Variants in LAMA2 observed in about 807,000 individuals in gnomAD.
The protein encoded by LAMA2 is laminin subunit alpha 2.
LAMA2 carries 269 observed loss-of-function variants against 364.8 expected under a neutral mutation model. The observed-to-expected ratio is 0.74, with a 90% CI of 0.67 to 0.82. LAMA2 has a LOEUF of 0.82. LAMA2 is among the 40% of genes least tolerant of loss of function. The pLI, the probability that LAMA2 is intolerant of heterozygous loss-of-function variation, is 0.00. For missense variants in LAMA2, 3,807 were observed against 3,873.2 expected, an observed-to-expected ratio of 0.98 and a Z score of 0.45; for synonymous variants, 1,379 against 1,370.6, an observed-to-expected ratio of 1.01 and a Z score of -0.14.
chr6:129,458,705 G>A (rs1351281689), intron 48 of LAMA2, among the ~76,000 whole-genome samples: 1 of 152,034 alleles, frequency 6.6e-6, no homozygotes, highest in Non-Finnish European at 1.5e-5. Context: ...CATGGTCACA[G>A]CAGTGGGAAA....
intron 45 of LAMA2, among the ~76,000 whole-genome samples, chr6:129,450,237 T>C (rs1336091417): frequency 6.6e-6 from 1 of 152,166 alleles, no homozygotes; most frequent in Non-Finnish European, 1.5e-5. Flanking sequence ...TACATTTATA[T>C]TGAGTCATCT....
intron 1 of LAMA2, among the ~76,000 whole-genome samples, chr6:128,885,074 T>C (rs531001049): frequency 1.3e-5 from 2 of 152,314 alleles, no homozygotes; most frequent in South Asian, 4.1e-4. Context: ...TACCATTCTG[T>C]CAAGATACCA....
At chr6:129,301,276 A>G (rs1283047810) in intron 22 of LAMA2, among the ~76,000 whole-genome samples, 5 of 152,188 alleles carry the variant, frequency 3.3e-5, no homozygotes, top group Non-Finnish European at 1.5e-5. Flanking sequence ...AGTTGAGATC[A>G]TTCTGAAGAG....
intron 17 of LAMA2, among the ~76,000 whole-genome samples, chr6:129,278,143 A>G (rs1788455956): frequency 6.6e-6 from 1 of 152,210 alleles, no homozygotes; most frequent in Non-Finnish European, 1.5e-5. Context: ...CAGGGGTTTC[A>G]GTGAGCCAAG....
chr6:128,894,267 C>G (rs1479816821), intron 1 of LAMA2, among the ~76,000 whole-genome samples: 1 of 152,128 alleles, frequency 6.6e-6, no homozygotes, highest in Non-Finnish European at 1.5e-5. Flanking sequence ...ACTAGTTATG[C>G]AGATCAGCCA....
chr6:129,508,265 T>A (rs1028930183), intron 62 of LAMA2, among the ~76,000 whole-genome samples: 1 of 152,208 alleles, frequency 6.6e-6, no homozygotes, highest in Non-Finnish European at 1.5e-5. Flanking sequence ...AGTGGGTGTA[T>A]ATATTTATGG....
intron 41 of LAMA2, among the ~76,000 whole-genome samples, chr6:129,434,847 T>C (rs895423844): frequency 5.9e-5 from 9 of 152,116 alleles, no homozygotes; most frequent in Non-Finnish European, 2.9e-5. Context: ...AGCTACAAAA[T>C]GTTTAGATGT....
At chr6:128,991,407 A>G (rs1241035769) in intron 1 of LAMA2, among the ~76,000 whole-genome samples, 1 of 152,196 alleles carries the variant, frequency 6.6e-6, no homozygotes, top group African/African-American at 2.4e-5. Flanking sequence ...AAATGGATGA[A>G]AGCGATTCAA....
At chr6:129,513,170 C>T (rs757847607) in intron 63 of LAMA2, among the ~76,000 whole-genome samples, 2 of 152,174 alleles carry the variant, frequency 1.3e-5, no homozygotes, top group Admixed American at 6.5e-5. Context: ...ACTCAGTTCA[C>T]GTTTCCACCC....
intron 1 of LAMA2, among the ~76,000 whole-genome samples, chr6:128,997,952 C>A (rs528057499): frequency 6.6e-6 from 1 of 151,988 alleles, no homozygotes; most frequent in African/African-American, 2.4e-5. Flanking sequence ...AATCATCAAG[C>A]CAGGAAGGAG....
intron 1 of LAMA2, among the ~76,000 whole-genome samples, chr6:128,955,377 A>T (rs1044984061): frequency 1.3e-5 from 2 of 151,946 alleles, no homozygotes; most frequent in Admixed American, 1.3e-4. Context: ...ACAGCTAGGA[A>T]TTGGCAGAAC....
intron 49 of LAMA2, among the ~76,000 whole-genome samples, chr6:129,463,613 T>C (rs1213770938): frequency 1.3e-5 from 2 of 152,032 alleles, no homozygotes; most frequent in Admixed American, 1.3e-4. Context: ...ATCTTAGATA[T>C]TCATTAATTA....
chr6:129,363,163 A>G (rs1451248253), intron 32 of LAMA2, among the ~76,000 whole-genome samples: 1 of 152,078 alleles, frequency 6.6e-6, no homozygotes, highest in African/African-American at 2.4e-5. Flanking sequence ...AACTAGCTGG[A>G]TGTGGTGGCA....
At chr6:129,350,559 A>G (rs1212292737) in intron 31 of LAMA2, among the ~76,000 whole-genome samples, 1 of 152,236 alleles carries the variant, frequency 6.6e-6, no homozygotes, top group African/African-American at 2.4e-5. Context: ...TTTATGCTCC[A>G]GAGCACTCCA....
At position 129,391,536 on chromosome 6, in the gene LAMA2, G is replaced by A. The variant is rs777116636; in HGVS notation, c.5117G>A (p.Arg1706Gln). ...AIKLNETLGT[R>Q]DEAFERNLEG... is the part of the protein sequence containing the mutation. ...AAACTAAATGAAACTCTAGGAACTC[G>A]AGACGAGGCCTTTGAGAGAAATTTG... The change falls in exon 36 of 65, where the codon CGA becomes CAA. Residue 1706 changes from arginine to glutamine, a missense_variant. By Grantham distance (43) the Arg-to-Gln change is conservative. Coordinates refer to ENST00000421865, the MANE Select transcript of LAMA2 (RefSeq NM_000426.4). The A allele has an allele frequency of 1.1e-5, 17 of 1,613,942 alleles. No homozygotes were observed. The East Asian group carries it at 2.0e-4, about 19-fold the overall frequency.
intron 4 of LAMA2, among the ~76,000 whole-genome samples, chr6:129,132,405 A>T (rs993835938): frequency 2.0e-5 from 3 of 152,098 alleles, no homozygotes; most frequent in Non-Finnish European, 4.4e-5. Flanking sequence ...TGACCTCGTG[A>T]TCGGCCCGCC....
At chr6:129,071,386 G>T (rs1244433942) in intron 3 of LAMA2, among the ~76,000 whole-genome samples, 1 of 151,876 alleles carries the variant, frequency 6.6e-6, no homozygotes, top group Non-Finnish European at 1.5e-5. Context: ...TCTCTATCGT[G>T]AAATTGTTAT....
intron 1 of LAMA2, among the ~76,000 whole-genome samples, chr6:128,972,559 T>C (rs969939763): frequency 6.6e-6 from 1 of 152,164 alleles, no homozygotes; most frequent in African/African-American, 2.4e-5. Flanking sequence ...CAGTAGAAGG[T>C]ATTTGGAACT....
chr6:129,401,757 C>T (rs1327080018), intron 38 of LAMA2, among the ~76,000 whole-genome samples: 1 of 152,178 alleles, frequency 6.6e-6, no homozygotes, highest in Non-Finnish European at 1.5e-5. Flanking sequence ...CTAAGAGATC[C>T]TAATGACATG....
Sources: allele counts gnomAD v4.1 joint callset (sites outside exome capture counted in the v4.1 genomes callset), GRCh38; gene constraint gnomAD v4.1.1; transcripts MANE v1.5; gene names NCBI Gene and HGNC (gene_info 2026-07-23, HGNC 2026-07-21).